The following ADAM19 variants were observed in gnomAD, a reference collection of about 807,000 sequenced individuals.
ADAM19 encodes the protein ADAM metallopeptidase domain 19.
ADAM19 carries 65 observed loss-of-function variants against 114.7 expected under a neutral mutation model. The ratio of observed to expected loss-of-function variants is 0.57; its 90% CI spans 0.46 to 0.70. The LOEUF (loss-of-function observed/expected upper bound fraction) is 0.70. Among genes scored for constraint, ADAM19 ranks in the 30% least tolerant of loss-of-function variants. The probability of loss-of-function intolerance (pLI) is 0.00; values close to 1 mark genes in which losing one functional copy is unlikely to be tolerated. For missense variants in ADAM19, 1,063 were observed against 1,204.7 expected, an observed-to-expected ratio of 0.88 and a Z score of 1.74; for synonymous variants, 466 against 460.5, an observed-to-expected ratio of 1.01 and a Z score of -0.15.
intron 5 of ADAM19, among the ~76,000 whole-genome samples, chr5:157,525,592 C>A (rs1428029883): frequency 6.6e-6 from 1 of 152,148 alleles, no homozygotes; most frequent in Non-Finnish European, 1.5e-5. Flanking sequence ...ACCCACCCCA[C>A]TCCCAGGACT....
chr5:157,567,939 C>T (rs1427106605), intron 2 of ADAM19: 1 of 152,100 alleles, frequency 6.6e-6, no homozygotes, highest in African/African-American at 2.4e-5. Context: ...CACTATCTTC[C>T]CCTCCCCCAA....
chr5:157,520,946 T>G (rs1185910820), intron 5 of ADAM19, among the ~76,000 whole-genome samples: 2 of 152,232 alleles, frequency 1.3e-5, no homozygotes, highest in Admixed American at 1.3e-4. Flanking sequence ...ACTGGGCTCC[T>G]GCTACGGGCC....
intron 21 of ADAM19, among the ~76,000 whole-genome samples, chr5:157,487,207 C>T (rs1331719440): frequency 6.6e-6 from 1 of 152,088 alleles, no homozygotes. Flanking sequence ...TGCTTTTTTC[C>T]TTTCCTCTTT....
chr5:157,567,792 C>T (rs891078695), intron 2 of ADAM19, among the ~76,000 whole-genome samples: 2 of 141,298 alleles, frequency 1.4e-5, no homozygotes, highest in African/African-American at 5.8e-5. Flanking sequence ...AGCGAAACTC[C>T]GTCTAAACAA....
chr5:157,488,436 G>C lies in ADAM19; in HGVS notation c.2379C>G (p.Pro793=). The C allele has an allele frequency of 1.2e-6, 2 of 1,611,566 alleles. No individual in the cohort carries two copies. Among genetic ancestry groups the C allele is most frequent in the Non-Finnish European group, 1.7e-6 (2 of 1,178,298 alleles). ...LRKPSQPPPR[P]PPDYLRGGSP... ...ACCCACCACGCAGATAATCTGGAGG[G>C]GGCCGGGGAGGAGGCTGGGAGGGCT... Residue 793 remains proline (P), a synonymous_variant, in exon 21 of 23, where the codon CCC becomes CCG. Transcript: ENST00000257527.
At chr5:157,487,703 C>T (rs973386539) in intron 21 of ADAM19, among the ~76,000 whole-genome samples, 1 of 152,228 alleles carries the variant, frequency 6.6e-6, no homozygotes, top group Non-Finnish European at 1.5e-5. Context: ...CTCCCAGAGG[C>T]ACCTGCCCCT....
intron 5 of ADAM19, among the ~76,000 whole-genome samples, chr5:157,529,454 T>A (rs909563337): frequency 6.6e-6 from 1 of 152,172 alleles, no homozygotes; most frequent in African/African-American, 2.4e-5. Context: ...ATATTTGAGA[T>A]ATACTTCATA....
chr5:157,556,391 G>C (rs1757369975), intron 3 of ADAM19, among the ~76,000 whole-genome samples: 1 of 151,546 alleles, frequency 6.6e-6, no homozygotes, highest in African/African-American at 2.4e-5. Context: ...GCTAATTTTT[G>C]TATTTTTAGT....
chr5:157,510,427 T>C (rs1184497423), intron 8 of ADAM19, among the ~76,000 whole-genome samples: 4 of 152,208 alleles, frequency 2.6e-5, no homozygotes, highest in Non-Finnish European at 4.4e-5. Flanking sequence ...TGAGCCAAGA[T>C]TGTGCCATTG....
intron 15 of ADAM19, among the ~76,000 whole-genome samples, chr5:157,494,087 C>G (rs558115151): frequency 1.3e-5 from 2 of 152,346 alleles, no homozygotes; most frequent in South Asian, 4.1e-4. Flanking sequence ...AGCACAATAT[C>G]TTGCACATGG....
chr5:157,489,928 AG>A (rs1301752980), intron 19 of ADAM19, among the ~76,000 whole-genome samples: 1 of 152,272 alleles, frequency 6.6e-6, no homozygotes, highest in East Asian at 1.9e-4. Flanking sequence ...CGGAGGCTGC[AG>A]TGAGCCAAGA....
intron 9 of ADAM19, 142 bp downstream of exon 9, chr5:157,509,159 G>A (rs1339925991): frequency 2.6e-6 from 2 of 776,426 alleles, no homozygotes; most frequent in Admixed American, 6.7e-5. Context: ...GCATGTTTAG[G>A]AAATGCCTGA....
Position 157,567,980 on chromosome 5 carries a change from C to CT in ADAM19, c.180+2914dup, listed in dbSNP as rs1313007688. 4.4e-3 allele frequency: 637 copies of CT among 143,258 alleles called. 5 individuals carry two copies. Among genetic ancestry groups the CT allele is most frequent in the African/African-American group, 0.012 (460 of 39,232 alleles). The allele number at this position is 143,258 out of a possible 1,614,324, so 8.9% of individuals were successfully genotyped here. A position where few individuals can be genotyped will look rare whatever the true frequency, so the allele number is the denominator to read the frequency against. On this transcript the variant is annotated intron_variant, in intron 2 of 22. Coordinates refer to ENST00000257527, the MANE Select transcript of ADAM19 (RefSeq NM_033274.5). The stretch of plus-strand genomic sequence containing the variant: ...CACAAGCTGCAGCAGGAATAGTAAT[C>CT]TTTTTTTTTTTTTTAAACAGAGTCT...
intron 3 of ADAM19, among the ~76,000 whole-genome samples, chr5:157,545,816 T>G (rs1010296878): frequency 6.6e-6 from 1 of 152,348 alleles, no homozygotes; most frequent in East Asian, 1.9e-4. Context: ...GAAAGGCTCT[T>G]CATGCAATCT....
At chr5:157,560,873 T>C (rs1479968290) in intron 3 of ADAM19, among the ~76,000 whole-genome samples, 2 of 152,232 alleles carry the variant, frequency 1.3e-5, no homozygotes, top group East Asian at 1.9e-4. Flanking sequence ...GAGCAAGAAA[T>C]AATCATAGCT....
At chr5:157,500,528 C>T (rs998480861) in intron 12 of ADAM19, among the ~76,000 whole-genome samples, 1 of 152,128 alleles carries the variant, frequency 6.6e-6, no homozygotes, top group Non-Finnish European at 1.5e-5. Flanking sequence ...AACATCCAGA[C>T]ACCCTGTCTT....
chr5:157,510,043 C>T (rs952530643), intron 8 of ADAM19, among the ~76,000 whole-genome samples: 2 of 152,130 alleles, frequency 1.3e-5, no homozygotes, highest in African/African-American at 4.8e-5. Flanking sequence ...TGAGCCTTAT[C>T]TTTCTTATGG....
intron 11 of ADAM19, among the ~76,000 whole-genome samples, chr5:157,505,118 C>CAA (rs775250955): frequency 0.26 from 22,786 of 86,264 alleles, 2,582 homozygotes; most frequent in South Asian, 0.43. Context: ...GACTCTGTCT[C>CAA]AAAAAAAAAA....
Position 157,478,449 on chromosome 5 carries a change from C to A in ADAM19, c.*2500G>T, listed in dbSNP as rs1754659619. 12 of 528,482 alleles carry A rather than the reference C, an allele frequency of 2.3e-5. No individual in the cohort carries two copies. The highest frequency in any genetic ancestry group is 2.9e-5 in the Non-Finnish European group (12 of 412,624). The allele number at this position is 528,482 out of a possible 1,614,324, so 32.7% of individuals were successfully genotyped here. A position where few individuals can be genotyped will look rare whatever the true frequency, so the allele number is the denominator to read the frequency against. ...CCATCGGTCGGTCTGAGCCTTTTCA[C>A]TATTCCCATAAGGCCCCTTCCTCTC... On this transcript the variant is annotated 3_prime_UTR_variant, in exon 23 of 23. Coordinates refer to ENST00000257527, the MANE Select transcript of ADAM19 (RefSeq NM_033274.5).
Sources: gnomAD v4.1 joint callset for allele counts (sites outside exome capture counted in the v4.1 genomes callset) on GRCh38, gnomAD v4.1.1 for gene constraint, MANE v1.5 for transcripts, NCBI Gene and HGNC (gene_info 2026-07-23, HGNC 2026-07-21) for gene names.